ANOS1: variants seen among roughly 807,000 people sequenced by gnomAD.
ANOS1 encodes the protein anosmin-1.
A neutral mutation model predicts 59.0 loss-of-function variants in ANOS1; 6 were observed. The ratio of observed to expected loss-of-function variants is 0.10; its 90% CI spans 0.06 to 0.20. ANOS1 has a LOEUF of 0.20. ANOS1 is among the 10% of genes least tolerant of loss of function. ANOS1 has a pLI of 1.00. For missense variants in ANOS1, 433 were observed against 542.3 expected (o/e 0.80, Z 2.00); for synonymous variants, 217 against 223.4 (o/e 0.97, Z 0.25).
chrX:8,686,956 A>T (rs1932532530), intron 2 of ANOS1, among the ~76,000 whole-genome samples: 1 of 111,499 alleles, frequency 9.0e-6, no homozygotes, highest in African/African-American at 3.3e-5. Flanking sequence ...TTCGTCTCAA[A>T]AAAAAATTAA....
chrX:8,628,365 C>A (rs909520994), intron 2 of ANOS1, among the ~76,000 whole-genome samples: 2 of 111,886 alleles, frequency 1.8e-5, no homozygotes, highest in Admixed American at 9.5e-5. Flanking sequence ...ATCAAGCAGC[C>A]CATGCCATTG....
intron 2 of ANOS1, among the ~76,000 whole-genome samples, chrX:8,687,022 G>C (rs1932533607): frequency 8.9e-6 from 1 of 111,755 alleles, no homozygotes; most frequent in African/African-American, 3.3e-5. Context: ...CATGACATAA[G>C]AGACCAATGT....
intron 2 of ANOS1, among the ~76,000 whole-genome samples, chrX:8,663,391 G>A (rs896376726): frequency 9.0e-6 from 1 of 111,383 alleles, no homozygotes; most frequent in African/African-American, 3.3e-5. Context: ...ATAGGTAGCA[G>A]GGCAGATTTG....
intron 9 of ANOS1, 120 bp downstream of exon 9, chrX:8,553,832 G>T: frequency 3.3e-6 from 2 of 615,172 alleles, no homozygotes; most frequent in South Asian, 5.0e-5. Flanking sequence ...TCAGACTTGT[G>T]TTCAACAACC....
chrX:8,583,709 A>G (rs747233881), intron 6 of ANOS1, among the ~76,000 whole-genome samples: 1 of 112,628 alleles, frequency 8.9e-6, no homozygotes, highest in Non-Finnish European at 1.9e-5. Context: ...ACAATGAGAC[A>G]TATGCAATGT....
intron 1 of ANOS1, among the ~76,000 whole-genome samples, chrX:8,726,098 G>A (rs958019162): frequency 8.1e-5 from 9 of 110,614 alleles, no homozygotes; most frequent in Non-Finnish European, 7.6e-5. Flanking sequence ...GGGACACATC[G>A]TAGGCTGGGT....
intron 6 of ANOS1, among the ~76,000 whole-genome samples, chrX:8,579,618 C>A (rs1038088531): frequency 2.7e-5 from 3 of 111,625 alleles, no homozygotes; most frequent in Non-Finnish European, 3.8e-5. Flanking sequence ...CCCACCCTGA[C>A]TTTCTTGTGC....
intron 2 of ANOS1, among the ~76,000 whole-genome samples, chrX:8,691,706 A>G (rs1932610758): frequency 1.8e-5 from 2 of 112,594 alleles, no homozygotes; most frequent in Non-Finnish European, 3.7e-5. Context: ...TACCATTTGC[A>G]GAGTGGGAAA....
intron 2 of ANOS1, among the ~76,000 whole-genome samples, chrX:8,648,711 C>T (rs779130855): frequency 1.8e-5 from 2 of 111,893 alleles, no homozygotes; most frequent in African/African-American, 6.5e-5. Flanking sequence ...ATAGAAATTA[C>T]ACTTATTATC....
chrX:8,566,054 T>C lies in ANOS1; in HGVS notation c.1207+2178A>G, dbSNP rs868098380. 98 of 753,216 alleles carry C rather than the reference T, an allele frequency of 1.3e-4. No individual in the cohort carries two copies. The African/African-American group carries it at 2.1e-3, about 16-fold the overall frequency. 62.1% of individuals were successfully genotyped at this position (753,216 alleles called of 1,213,427 possible). ...CCCATGCAATGCGCTTCTCTAACTCTCTACACTCATCCACGCTGCTGCGTT... is the reference window on the plus strand; with the variant it reads ...CCCATGCAATGCGCTTCTCTAACTCCCTACACTCATCCACGCTGCTGCGTT... On this transcript the variant is annotated intron_variant, in intron 8 of 13. Coordinates refer to ENST00000262648, the MANE Select transcript of ANOS1 (RefSeq NM_000216.4).
chrX:8,575,951 A>G (rs1045447193), intron 6 of ANOS1, among the ~76,000 whole-genome samples: 1 of 110,658 alleles, frequency 9.0e-6, no homozygotes, highest in Non-Finnish European at 1.9e-5. Context: ...AGAAAAAAAA[A>G]TTTTAAATTA....
At chrX:8,569,535 G>A (rs984221748) in intron 7 of ANOS1, among the ~76,000 whole-genome samples, 4 of 111,491 alleles carry the variant, frequency 3.6e-5, no homozygotes, top group African/African-American at 6.5e-5. Flanking sequence ...CCAGCTACTC[G>A]GGAGGCTGAG....
rs183229051 is a variant in ANOS1 at position 8,689,852 on chromosome X, A to G, written c.255+9846T>C. 7.2e-5 allele frequency among the ~76,000 whole-genome samples: 8 copies of G among 111,500 alleles called. No homozygotes were observed. The Admixed American group carries it at 7.7e-4, about 11-fold the overall frequency. ...TAAGCACAAAACGCCAAGGCTACTT[A>G]TAATTATCTTGTGGCATCATGCTAT... On this transcript the variant is annotated intron_variant, in intron 2 of 13. Coordinates refer to ENST00000262648, the MANE Select transcript of ANOS1 (RefSeq NM_000216.4).
At chrX:8,699,856 C>T (rs1258185121) in intron 1 of ANOS1, 111 bp from the exon 2 acceptor site, 8 of 523,683 alleles carry the variant, frequency 1.5e-5, no homozygotes, top group Admixed American at 3.1e-5. Context: ...TGCATTTTAA[C>T]AAATACCCAA....
chrX:8,619,296 C>A (rs1315827245), intron 3 of ANOS1, among the ~76,000 whole-genome samples: 2 of 110,791 alleles, frequency 1.8e-5, no homozygotes, highest in Non-Finnish European at 3.8e-5. Context: ...AAACATTTAA[C>A]TTCTTCATTT....
At chrX:8,653,364 G>A (rs1209364310) in intron 2 of ANOS1, among the ~76,000 whole-genome samples, 2 of 110,902 alleles carry the variant, frequency 1.8e-5, no homozygotes, top group Non-Finnish European at 3.8e-5. Flanking sequence ...CTGTCATTTT[G>A]CTTGGATGCT....
chrX:8,653,990 T>A (rs1931889936), intron 2 of ANOS1, among the ~76,000 whole-genome samples: 1 of 112,035 alleles, frequency 8.9e-6, no homozygotes, highest in Admixed American at 9.5e-5. Context: ...AGAACTGAAA[T>A]GGCTATAGCC....
intron 2 of ANOS1, among the ~76,000 whole-genome samples, chrX:8,663,613 A>G (rs1233809752): frequency 9.0e-6 from 1 of 111,484 alleles, no homozygotes; most frequent in Non-Finnish European, 1.9e-5. Context: ...GCCCAGAACA[A>G]AGCTTGCTGA....
intron 2 of ANOS1, among the ~76,000 whole-genome samples, chrX:8,658,738 G>T (rs1449288738): frequency 9.0e-6 from 1 of 111,665 alleles, no homozygotes; most frequent in Non-Finnish European, 1.9e-5. Flanking sequence ...TACCTCTTCT[G>T]CTCTCACTTT....
Sources: gnomAD v4.1 joint callset for allele counts (sites outside exome capture counted in the v4.1 genomes callset) on GRCh38, gnomAD v4.1.1 for gene constraint, MANE v1.5 for transcripts, NCBI Gene and HGNC (gene_info 2026-07-23, HGNC 2026-07-21) for gene names.